IFI44L: variants seen among roughly 807,000 people sequenced by gnomAD.
The protein encoded by IFI44L is interferon induced protein 44 like.
In IFI44L, 40 loss-of-function variants were observed where a neutral mutation model predicts 39.3. The ratio of observed to expected loss-of-function variants is 1.02; its 90% CI spans 0.79 to 1.33. The LOEUF (loss-of-function observed/expected upper bound fraction) is 1.33. Ranked by LOEUF, IFI44L falls within the 40% of genes most tolerant of loss-of-function variation. The pLI, the probability that IFI44L is intolerant of heterozygous loss-of-function variation, is 0.00. For synonymous variants in IFI44L, 198 were observed against 182.3 expected, an observed-to-expected ratio of 1.09 and a Z score of -0.69; for missense variants, 623 against 549.0, an observed-to-expected ratio of 1.13 and a Z score of -1.35.
At chr1:78,633,713 A>G (rs1652838066) in intron 4 of IFI44L, among the ~76,000 whole-genome samples, 1 of 152,230 alleles carries the variant, frequency 6.6e-6, no homozygotes. Context: ...GAGAGAAAAT[A>G]ACGTGCCAGT....
chr1:78,628,344 G>A lies in IFI44L; in HGVS notation c.429G>A (p.Arg143=). ...DKMITRNLKL[R]FYGHRQYLEC... ...TGATAACAAGAAACTTGAAACTAAG[G>A]TTTTATGGCCACCGTCAGTATTTGG... Residue 143 remains arginine, a synonymous_variant, in exon 2 of 9, where the codon AGG becomes AGA. Transcript: ENST00000370751. 1.3e-6 allele frequency: 2 copies of A among 1,594,314 alleles called. No homozygotes were observed. The highest frequency in any genetic ancestry group is 2.2e-5 in the East Asian group (1 of 44,670).
intron 1 of IFI44L, among the ~76,000 whole-genome samples, chr1:78,621,637 T>A (rs192866242): frequency 2.4e-4 from 36 of 152,248 alleles, no homozygotes; most frequent in Non-Finnish European, 3.7e-4. Flanking sequence ...TTGGTATAAA[T>A]TATTGTCATA....
chr1:78,623,213 G>T (rs1369735436), intron 1 of IFI44L, among the ~76,000 whole-genome samples: 1 of 151,728 alleles, frequency 6.6e-6, no homozygotes, highest in Non-Finnish European at 1.5e-5. Context: ...ACTTGTTCTG[G>T]CTAGGACATT....
intron 7 of IFI44L, 78 bp downstream of exon 7, chr1:78,641,199 A>T (rs1646979198): frequency 9.4e-7 from 1 of 1,062,150 alleles, no homozygotes; most frequent in African/African-American, 1.6e-5. Context: ...GTGTGTCTGT[A>T]CGTGTATATG....
At chr1:78,629,115 G>A (rs757099739) in intron 3 of IFI44L, 116 bp downstream of exon 3, 1 of 710,394 alleles carries the variant, frequency 1.4e-6, no homozygotes, top group Non-Finnish European at 2.5e-6. Flanking sequence ...TTAAAAAAGA[G>A]TTATAATGTT....
At chr1:78,640,323 C>A (rs1481479586) in intron 6 of IFI44L, among the ~76,000 whole-genome samples, 1 of 152,038 alleles carries the variant, frequency 6.6e-6, no homozygotes, top group Admixed American at 6.6e-5. Context: ...TGCTCTCTAC[C>A]AGAACCTAGG....
chr1:78,623,396 G>GTTTTTTTTTTTTT (rs71078508), intron 1 of IFI44L, among the ~76,000 whole-genome samples: 4 of 121,322 alleles, frequency 3.3e-5, no homozygotes, highest in Admixed American at 8.3e-5. Flanking sequence ...AGTGTTTTTT[G>GTTTTTTTTTTTTT]TTTTTTTTTT....
In IFI44L at chr1:78,630,090, C is replaced by T. The variant is rs532498188; in HGVS notation, c.723+175C>T. 1.3e-4 allele frequency: 77 copies of T among 599,644 alleles called. 2 individuals carry two copies. In the South Asian group the frequency reaches 1.6e-3, roughly 12 times the overall value. 37.1% of individuals were successfully genotyped at this position (599,644 alleles called of 1,614,324 possible). ...CATTGTGCTATATTATACAGAGAAG[C>T]TTTCAAATTTTATGGATGGAAGAAG... is the stretch of plus-strand genomic sequence containing the variant. On this transcript the variant is annotated intron_variant, in intron 4 of 8. Coordinates refer to ENST00000370751, the MANE Select transcript of IFI44L (RefSeq NM_006820.4).
chr1:78,623,607 C>T (rs981826802), intron 1 of IFI44L, among the ~76,000 whole-genome samples: 1 of 151,984 alleles, frequency 6.6e-6, no homozygotes, highest in Non-Finnish European at 1.5e-5. Flanking sequence ...CGAGAAGTCT[C>T]ACTATCTGCC....
At chr1:78,630,165 A>G (rs566640617) in intron 4 of IFI44L, 1 of 381,212 alleles carries the variant, frequency 2.6e-6, no homozygotes, top group Non-Finnish European at 4.8e-6. Flanking sequence ...ACAACAAAAA[A>G]TTAAAAACCC....
Position 78,628,402 on chromosome 1 carries a change from AATTAGATAATCCTACATCTCAC to A in IFI44L, c.478+14_478+35del. On this transcript the variant is annotated intron_variant, in intron 2 of 8. Transcript: ENST00000370751. ...AGTTTTTCGAGTTGAAGGTTTGTAA[AATTAGATAATCCTACATCTCAC>A]ATTATGATTCTAATCCTTGTGTTCG... is the stretch of plus-strand genomic sequence containing the variant. The A allele has an allele frequency of 1.4e-6, 2 of 1,393,882 alleles. No homozygotes were observed. The highest frequency in any genetic ancestry group is 2.0e-6 in the Non-Finnish European group (2 of 1,011,428). 86.3% of individuals were successfully genotyped at this position (1,393,882 alleles called of 1,614,324 possible). A position where few individuals can be genotyped will look rare whatever the true frequency, so the allele number is the denominator to read the frequency against.
In IFI44L at chr1:78,642,950, T is replaced by G. The variant is rs1320354838; in HGVS notation, c.*1141T>G. 1 of 152,046 alleles carries G rather than the reference T, an allele frequency of 6.6e-6. No homozygotes were observed. The highest frequency in any genetic ancestry group is 1.5e-5 in the Non-Finnish European group (1 of 67,990). The allele number at this position is 152,046 out of a possible 1,614,324, so 9.4% of individuals were successfully genotyped here. On this transcript the variant is annotated 3_prime_UTR_variant, in exon 9 of 9. Transcript: ENST00000370751. Reference sequence around the variant, plus strand: ...TTACTAGCTGTGAAAGCTAGTACTATTAAGAAAGAAAACAAAATTCCCAAA... The same window carrying G: ...TTACTAGCTGTGAAAGCTAGTACTAGTAAGAAAGAAAACAAAATTCCCAAA...
intron 4 of IFI44L, among the ~76,000 whole-genome samples, chr1:78,630,389 T>G (rs1340690689): frequency 6.6e-6 from 1 of 152,128 alleles, no homozygotes; most frequent in African/African-American, 2.4e-5. Flanking sequence ...GAACTTGAAG[T>G]GTAAATCTTA....
At position 78,643,340 on chromosome 1, in the gene IFI44L, G is replaced by A. The variant is rs1160068022; in HGVS notation, c.*1531G>A. 6.6e-6 allele frequency: 1 copy of A among 152,016 alleles called. No homozygotes were observed. Among genetic ancestry groups the A allele is most frequent in the African/African-American group, 2.4e-5 (1 of 41,398 alleles). The allele number at this position is 152,016 out of a possible 1,614,324, so 9.4% of individuals were successfully genotyped here. ...TAGATATTGGGAACAAAATTAGAGA[G>A]GCAACCAGAAAAAGTTATTTTAGGC... On this transcript the variant is annotated 3_prime_UTR_variant, in exon 9 of 9. Coordinates refer to ENST00000370751, the MANE Select transcript of IFI44L (RefSeq NM_006820.4).
chr1:78,635,528 T>C (rs746332683), intron 5 of IFI44L, 39 bp downstream of exon 5: 48 of 1,587,474 alleles, frequency 3.0e-5, no homozygotes, highest in Non-Finnish European at 4.0e-5. Flanking sequence ...TCAAATCATT[T>C]TCTTCAGTAT....
chr1:78,623,574 G>A (rs1261194184), intron 1 of IFI44L, among the ~76,000 whole-genome samples: 2 of 151,988 alleles, frequency 1.3e-5, no homozygotes, highest in African/African-American at 4.8e-5. Flanking sequence ...GTTATGGGAG[G>A]TGGCTCATGT....
In IFI44L at chr1:78,620,502, C is replaced by T. The variant is rs867569825; in HGVS notation, c.-80C>T. Reference sequence around the variant, plus strand: ...TCTTAAGAACTTTCTGTCTCCAAACCGTGGCTGCTCGATAAATCAGACAGA... The same window carrying T: ...TCTTAAGAACTTTCTGTCTCCAAACTGTGGCTGCTCGATAAATCAGACAGA... On this transcript the variant is annotated 5_prime_UTR_variant, in exon 1 of 9. Transcript: ENST00000370751. The T allele has an allele frequency of 1.3e-4, 20 of 152,310 alleles. No homozygotes were observed. The highest frequency in any genetic ancestry group is 4.3e-4 in the African/African-American group (18 of 41,570). 9.4% of individuals were successfully genotyped at this position (152,310 alleles called of 1,614,324 possible). A position where few individuals can be genotyped will look rare whatever the true frequency, so the allele number is the denominator to read the frequency against.
chr1:78,624,146 C>T (rs1652394627), intron 1 of IFI44L, among the ~76,000 whole-genome samples: 1 of 152,080 alleles, frequency 6.6e-6, no homozygotes, highest in African/African-American at 2.4e-5. Flanking sequence ...TGCACACCAC[C>T]ACACCCAATT....
Position 78,629,305 on chromosome 1 carries a change from G to A in IFI44L, c.527+306G>A, listed in dbSNP as rs138829583. Among the ~76,000 whole-genome samples the A allele has an allele frequency of 5.2e-3, 791 of 152,218 alleles. 1 individual carries two copies. The highest frequency in any genetic ancestry group is 9.2e-3 in the Admixed American group (140 of 15,280). On this transcript the variant is annotated intron_variant, in intron 3 of 8. Transcript: ENST00000370751. ...GAGAAACAGCTTTTGAGAATCCTCA[G>A]TAAATGTCAAAAACAAACTTTCTTT...
Sources: gnomAD v4.1 joint callset for allele counts (sites outside exome capture counted in the v4.1 genomes callset) on GRCh38, gnomAD v4.1.1 for gene constraint, MANE v1.5 for transcripts, NCBI Gene and HGNC (gene_info 2026-07-23, HGNC 2026-07-21) for gene names.